NAGPA: variants seen among roughly 807,000 people sequenced by gnomAD.
NAGPA encodes N-acetylglucosamine-1-phosphodiester alpha-N-acetylglucosaminidase.
Under a neutral mutation model 48.5 loss-of-function variants are expected in NAGPA, and 56 were observed. The ratio of observed to expected loss-of-function variants is 1.15; its 90% CI spans 0.93 to 1.44. NAGPA has a LOEUF of 1.44. Among genes scored for constraint, NAGPA ranks in the 40% most tolerant of loss-of-function variants. NAGPA has a pLI of 0.00. For synonymous variants in NAGPA, 399 were observed against 315.5 expected (o/e 1.26, Z -2.81); for missense variants, 888 against 735.0 (o/e 1.21, Z -2.41).
chr16:5,031,083 C>T (rs1227819799), intron 3 of NAGPA: 1 of 169,372 alleles, frequency 5.9e-6, no homozygotes, highest in African/African-American at 2.4e-5. Flanking sequence ...GCACACACCA[C>T]CATGCCTGGC....
rs865971745 is a variant in NAGPA, at chr16:5,027,630, C to T, written c.1174+216G>A. ...GCTGGATTTGAGGTGGGCCCTGGAG[C>T]CAGAGCCCGGGGACCCTTGTTTTAG... On this transcript the variant is annotated intron_variant, in intron 7 of 9. Transcript: ENST00000312251. Among the ~76,000 whole-genome samples the T allele has an allele frequency of 4.1e-4, 62 of 152,312 alleles. 1 individual carries two copies. Among genetic ancestry groups the T allele is most frequent in the Middle Eastern group, 3.4e-3 (1 of 294 alleles).
At position 5,027,274 on chromosome 16, in the gene NAGPA, G is replaced by A. The variant is rs776732805; in HGVS notation, c.1276+4C>T. 1.4e-5 allele frequency: 23 copies of A among 1,614,128 alleles called. 1 individual carries two copies. The East Asian group carries it at 3.8e-4, about 27-fold the overall frequency. The stretch of plus-strand genomic sequence containing the variant: ...CATACCCCTCCCCTTGGAGGGATAG[G>A]TACCTCTGGAGACGCTGCAGTTGCC... On this transcript the variant is annotated splice_donor_region_variant and intron_variant, in intron 8 of 9. Coordinates refer to ENST00000312251, the MANE Select transcript of NAGPA (RefSeq NM_016256.4).
chr16:5,029,384 G>A (rs972309361), intron 4 of NAGPA: 2 of 341,374 alleles, frequency 5.9e-6, no homozygotes, highest in South Asian at 2.4e-5. Flanking sequence ...ACACACATGG[G>A]AAGGAACCTG....
At chr16:5,029,088 A>G (rs1331519176) in intron 4 of NAGPA, 80 bp from the exon 5 acceptor site, 5 of 1,596,792 alleles carry the variant, frequency 3.1e-6, no homozygotes, top group East Asian at 2.2e-5. Context: ...CACAGTGCAG[A>G]GCATCACGCC....
rs1384404739 is a variant in NAGPA, at chr16:5,027,856, G to A, written c.1164C>T (p.Asn388=). The part of the protein sequence containing the change: ...CRCDAGWTGS[N]CSEECPLGWH... ...CGTGGCAGCTCCTACCTTCACTGCAGTTGGACCCGGTCCATCCGGCATCAC... is the reference window on the plus strand; with the variant it reads ...CGTGGCAGCTCCTACCTTCACTGCAATTGGACCCGGTCCATCCGGCATCAC... Residue 388 remains asparagine, a synonymous_variant, in exon 7 of 10, where the codon AAC becomes AAT. Coordinates refer to ENST00000312251, the MANE Select transcript of NAGPA (RefSeq NM_016256.4). 2 of 1,563,966 alleles carry A rather than the reference G, an allele frequency of 1.3e-6. No individual in the cohort carries two copies. The highest frequency in any genetic ancestry group is 1.7e-6 in the Non-Finnish European group (2 of 1,154,130).
chr16:5,032,498 A>C (rs1974660), intron 2 of NAGPA, among the ~76,000 whole-genome samples: 50,003 of 145,324 alleles, frequency 0.34, 8,531 homozygotes, highest in Middle Eastern at 0.41. Flanking sequence ...CCCGTTCCCC[A>C]CCCCATCCCG....
In NAGPA at chr16:5,028,061, C is replaced by T. The variant is rs765353528; in HGVS notation, c.1045G>A (p.Gly349Arg). Residue 349 changes from glycine to arginine, a missense_variant, in exon 6 of 10, where the codon GGG (glycine) becomes AGG (arginine). Gly to Arg is a moderately radical substitution (Grantham distance 125). Coordinates refer to ENST00000312251, the MANE Select transcript of NAGPA (RefSeq NM_016256.4). ...CAGCCGGGACCCCGCCAGAAGTGCC[C>T]GGTGCATTGGCAGTGCCCGTCCACG... ...TCVDGHCQCTGHFWRGPGCDE... is the reference protein window; with the variant it reads ...TCVDGHCQCTRHFWRGPGCDE... The T allele has an allele frequency of 4.6e-5, 75 of 1,613,732 alleles. No individual in the cohort carries two copies. The highest frequency in any genetic ancestry group is 4.9e-5 in the Non-Finnish European group (58 of 1,179,924).
At position 5,027,102 on chromosome 16, in the gene NAGPA, C is replaced by T. The variant is rs151317776; in HGVS notation, c.1340+33G>A. 2.8e-3 allele frequency: 4,448 copies of T among 1,612,702 alleles called. 16 individuals are homozygous for T. Among genetic ancestry groups the T allele is most frequent in the Non-Finnish European group, 3.4e-3 (4,055 of 1,179,216 alleles). The stretch of plus-strand genomic sequence containing the variant: ...TGCGGGAGAGAAGGGGGATTCCTCC[C>T]GCCCTGGCCCCAGCTCCCACAGAAG... On this transcript the variant is annotated intron_variant, in intron 9 of 9. Coordinates refer to ENST00000312251, the MANE Select transcript of NAGPA (RefSeq NM_016256.4).
chr16:5,031,388 G>T (rs2142565718), intron 3 of NAGPA: 2 of 343,350 alleles, frequency 5.8e-6, no homozygotes, highest in Admixed American at 4.0e-5. Flanking sequence ...AGGTCTGAGG[G>T]TGTGGGGCTT....
At position 5,025,423 on chromosome 16, in the gene NAGPA, C is replaced by G. The variant is rs1369342545; in HGVS notation, c.*55G>C. On this transcript the variant is annotated 3_prime_UTR_variant, in exon 10 of 10. Transcript: ENST00000312251. Reference sequence around the variant, plus strand: ...GGCCTTGAAATTTCCCCTGCAGAAGCCAGACCGTGGGGAAACAAGCTTTCG... The same window carrying G: ...GGCCTTGAAATTTCCCCTGCAGAAGGCAGACCGTGGGGAAACAAGCTTTCG... 5.0e-6 allele frequency: 8 copies of G among 1,598,858 alleles called. No homozygotes were observed. The highest frequency in any genetic ancestry group is 1.3e-5 in the African/African-American group (1 of 74,528).
At chr16:5,031,384 G>A (rs916230314) in intron 3 of NAGPA, 67 of 337,008 alleles carry the variant, frequency 2.0e-4, no homozygotes, top group African/African-American at 1.4e-3. Context: ...CTGCAGGTCT[G>A]AGGGTGTGGG....
chr16:5,026,862 G>A (rs965273892), intron 9 of NAGPA, among the ~76,000 whole-genome samples: 1 of 152,220 alleles, frequency 6.6e-6, no homozygotes, highest in Admixed American at 6.5e-5. Context: ...GTGACAGAAT[G>A]AGGAAACCTC....
At chr16:5,030,263 G>A in intron 4 of NAGPA, 122 bp downstream of exon 4, 1 of 887,914 alleles carries the variant, frequency 1.1e-6, no homozygotes, top group Non-Finnish European at 1.8e-6. Flanking sequence ...CCCTGGGAGG[G>A]GGGACAGATA....
rs565001909 is a variant in NAGPA at position 5,025,718 on chromosome 16, C to T, written c.1341-33G>A. Reference sequence around the variant, plus strand: ...CAGGAGAGAAGCCCCAAGTGGGGGACTGCTGGGTGGGCTCAGGGCTTGGGT... The same window carrying T: ...CAGGAGAGAAGCCCCAAGTGGGGGATTGCTGGGTGGGCTCAGGGCTTGGGT... On this transcript the variant is annotated intron_variant, in intron 9 of 9. Transcript: ENST00000312251. The T allele has an allele frequency of 3.2e-6, 5 of 1,566,338 alleles. No homozygotes were observed. In the East Asian group the frequency reaches 1.2e-4, roughly 37 times the overall value.
At position 5,028,076 on chromosome 16, in the gene NAGPA, G is replaced by A. The variant is rs780274520; in HGVS notation, c.1030C>T (p.His344Tyr). 5 of 1,613,528 alleles carry A rather than the reference G, an allele frequency of 3.1e-6. No homozygotes were observed. The highest frequency in any genetic ancestry group is 1.1e-5 in the South Asian group (1 of 91,044). Residue 344 changes from histidine (H) to tyrosine (Y), a missense_variant, in exon 6 of 10, where the codon CAC (histidine) becomes TAC (tyrosine). His to Tyr is a moderately conservative substitution (Grantham distance 83, BLOSUM62 2). Transcript: ENST00000312251. ...CAGAAGTGCCCGGTGCATTGGCAGTGCCCGTCCACGCAGGTCCCGTGGCCG... is the reference window on the plus strand; with the variant it reads ...CAGAAGTGCCCGGTGCATTGGCAGTACCCGTCCACGCAGGTCCCGTGGCCG... ...CHGHGTCVDG[H>Y]CQCTGHFWRG...
intron 9 of NAGPA, among the ~76,000 whole-genome samples, chr16:5,026,760 G>T (rs1170814202): frequency 6.6e-6 from 1 of 152,152 alleles, no homozygotes; most frequent in Non-Finnish European, 1.5e-5. Flanking sequence ...AATTAGCCGG[G>T]CATGGGGGCA....
At chr16:5,032,142 C>T (rs1460893187) in intron 2 of NAGPA, among the ~76,000 whole-genome samples, 2 of 152,016 alleles carry the variant, frequency 1.3e-5, no homozygotes, top group African/African-American at 2.4e-5. Flanking sequence ...CAGAAATGAC[C>T]ATCCCCCAAC....
chr16:5,033,289 C>G lies in NAGPA; in HGVS notation c.526G>C (p.Gly176Arg), dbSNP rs573363602. The change falls in exon 2 of 10, where the codon GGG becomes CGG. Residue 176 changes from glycine to arginine, a missense_variant. Gly to Arg is a moderately radical substitution (Grantham distance 125). Transcript: ENST00000312251. This position sits in a 1 kb window ranked among gnomAD's most constrained non-coding sequence, Gnocchi z 4.2. Reference protein sequence around the residue: ...QNAQFGIRRDGTLVTGYLSEE... With the variant: ...QNAQFGIRRDRTLVTGYLSEE... The stretch of plus-strand genomic sequence containing the variant: ...CCTCCTCACCCGGTGACCAGGGTCC[C>G]GTCGCGGCGGATCCCGAACTGCGCG... 6.3e-7 allele frequency: 1 copy of G among 1,595,064 alleles called. No homozygotes were observed. The highest frequency in any genetic ancestry group is 2.2e-5 in the East Asian group (1 of 44,578).
In NAGPA at chr16:5,033,602, G is replaced by C. The variant is rs752958109; in HGVS notation, c.213C>G (p.Pro71=). The change falls in exon 2 of 10, where the codon CCC becomes CCG. Residue 71 remains proline, a synonymous_variant. Coordinates refer to ENST00000312251, the MANE Select transcript of NAGPA (RefSeq NM_016256.4). The surrounding 1 kb of genome is among the most constrained non-coding windows in gnomAD (Gnocchi z 4.2). ...HESWPPPPAT[P]GAGGLAVRTF... Reference sequence around the variant, plus strand: ...TGCGCACGGCCAGACCGCCGGCGCCGGGAGTCGCGGGAGGCGGAGGCCAAC... The same window carrying C: ...TGCGCACGGCCAGACCGCCGGCGCCCGGAGTCGCGGGAGGCGGAGGCCAAC... 2.0e-6 allele frequency: 3 copies of C among 1,494,932 alleles called. No homozygotes were observed. Among genetic ancestry groups the C allele is most frequent in the Non-Finnish European group, 2.6e-6 (3 of 1,134,532 alleles). 92.6% of individuals were successfully genotyped at this position (1,494,932 alleles called of 1,614,324 possible).
Sources: gnomAD v4.1 joint callset for allele counts (sites outside exome capture counted in the v4.1 genomes callset) on GRCh38, gnomAD v4.1.1 for gene constraint, Gnocchi (gnomAD v3.1) non-coding constraint, MANE v1.5 for transcripts, NCBI Gene and HGNC (gene_info 2026-07-23, HGNC 2026-07-21) for gene names.